PHACTR1: variants seen among roughly 807,000 people sequenced by gnomAD.
PHACTR1 encodes RPEL repeat containing 1.
In PHACTR1, 16 loss-of-function variants were observed where a neutral mutation model predicts 69.2. The observed-to-expected ratio is 0.23, with a 90% CI of 0.16 to 0.35. PHACTR1 has a LOEUF of 0.35. Ranked by LOEUF, PHACTR1 falls within the 10% of genes least tolerant of loss-of-function variation. The probability of loss-of-function intolerance (pLI) is 1.00; values close to 1 mark genes in which losing one functional copy is unlikely to be tolerated. For synonymous variants in PHACTR1, 312 were observed against 284.5 expected, an observed-to-expected ratio of 1.10 and a Z score of -0.97; for missense variants, 510 against 734.7, an observed-to-expected ratio of 0.69 and a Z score of 3.54.
chr6:12,917,133 A>G (rs980965131), intron 4 of PHACTR1, among the ~76,000 whole-genome samples: 19 of 152,226 alleles, frequency 1.2e-4, no homozygotes, highest in African/African-American at 2.2e-4. Context: ...TCTTCACTTA[A>G]TCTTCATATT....
In PHACTR1 at chr6:13,287,129, A is replaced by T. The variant is rs1781848012; in HGVS notation, c.*51A>T. Reference sequence around the variant, plus strand: ...GCTGTCTTCAAAACATAAATTTATAAGAACCATAAGTGCTGGTATTTATTC... The same window carrying T: ...GCTGTCTTCAAAACATAAATTTATATGAACCATAAGTGCTGGTATTTATTC... On this transcript the variant is annotated 3_prime_UTR_variant, in exon 15 of 15. Transcript: ENST00000332995. 2.0e-6 allele frequency: 3 copies of T among 1,525,338 alleles called. No individual in the cohort carries two copies. Among genetic ancestry groups the T allele is most frequent in the South Asian group, 1.2e-5 (1 of 84,980 alleles). 94.5% of individuals were successfully genotyped at this position (1,525,338 alleles called of 1,614,324 possible).
At chr6:12,737,776 T>C (rs1178678016) in intron 3 of PHACTR1, among the ~76,000 whole-genome samples, 1 of 151,982 alleles carries the variant, frequency 6.6e-6, no homozygotes, top group African/African-American at 2.4e-5. Flanking sequence ...TAAAATTTTT[T>C]ATAGAAACAA....
intron 10 of PHACTR1, among the ~76,000 whole-genome samples, chr6:13,256,009 C>T (rs908758006): frequency 6.6e-6 from 1 of 152,242 alleles, no homozygotes; most frequent in African/African-American, 2.4e-5. Context: ...CAGAGGTTCT[C>T]CATGAGGGCT....
intron 10 of PHACTR1, among the ~76,000 whole-genome samples, chr6:13,240,822 G>A (rs184898069): frequency 5.9e-5 from 9 of 152,244 alleles, no homozygotes; most frequent in African/African-American, 1.9e-4. Flanking sequence ...TCCCTGATAC[G>A]TGCCATTTAT....
chr6:12,972,942 C>T (rs894018843), intron 4 of PHACTR1, among the ~76,000 whole-genome samples: 6 of 152,248 alleles, frequency 3.9e-5, no homozygotes, highest in Non-Finnish European at 5.9e-5. Flanking sequence ...TGAGCCACCG[C>T]GGCTGGCCTA....
chr6:13,283,893 C>T lies in PHACTR1; in HGVS notation c.1650+331C>T, dbSNP rs1176221974. ...AGGCTCCAGGCTCATCACAGCCCTT[C>T]CGTATAGGGGATGGTGCTGCCGGCA... On this transcript the variant is annotated intron_variant, in intron 13 of 14. Coordinates refer to ENST00000332995, the MANE Select transcript of PHACTR1 (RefSeq NM_030948.6). This position sits in a 1 kb window ranked among gnomAD's most constrained non-coding sequence, Gnocchi z 4.7. 2 of 329,924 alleles carry T rather than the reference C, an allele frequency of 6.1e-6. No homozygotes were observed. Among genetic ancestry groups the T allele is most frequent in the African/African-American group, 4.2e-5 (2 of 47,408 alleles). The allele number at this position is 329,924 out of a possible 1,614,324, so 20.4% of individuals were successfully genotyped here.
At chr6:12,804,976 G>A (rs1454019335) in intron 4 of PHACTR1, among the ~76,000 whole-genome samples, 1 of 152,074 alleles carries the variant, frequency 6.6e-6, no homozygotes, top group Non-Finnish European at 1.5e-5. Context: ...ATACAAAACA[G>A]CAATCACTGC....
At chr6:12,963,625 G>A (rs537573145) in intron 4 of PHACTR1, among the ~76,000 whole-genome samples, 6 of 152,238 alleles carry the variant, frequency 3.9e-5, no homozygotes, top group East Asian at 3.9e-4. Flanking sequence ...TGATCCGGGC[G>A]TTTTGATTCC....
chr6:13,006,945 T>C (rs1194186381), intron 4 of PHACTR1, among the ~76,000 whole-genome samples: 1 of 152,252 alleles, frequency 6.6e-6, no homozygotes, highest in African/African-American at 2.4e-5. Context: ...AATCCTACCA[T>C]GTGCCTGAAG....
rs115865107 is a variant in PHACTR1, at chr6:13,171,778, T to G, written c.497-10741T>G. Among the ~76,000 whole-genome samples, 959 of 152,292 alleles carry G rather than the reference T, an allele frequency of 6.3e-3. 14 individuals carry two copies. The highest frequency in any genetic ancestry group is 0.022 in the African/African-American group (916 of 41,554). ...CCCTCCCCCAGCTCTAGCCAATTTT[T>G]TTTTTTAGATGGAGTTTCACTCTTG... On this transcript the variant is annotated intron_variant, in intron 6 of 14. Coordinates refer to ENST00000332995, the MANE Select transcript of PHACTR1 (RefSeq NM_030948.6).
chr6:12,885,225 A>G (rs573280517), intron 4 of PHACTR1, among the ~76,000 whole-genome samples: 22 of 152,288 alleles, frequency 1.4e-4, no homozygotes, highest in Non-Finnish European at 2.6e-4. Flanking sequence ...TGATAAAGAA[A>G]TGCTTTCATC....
In PHACTR1 at chr6:13,196,954, GT is replaced by G. The variant is rs569587558; in HGVS notation, c.665-8854del. On this transcript the variant is annotated intron_variant, in intron 7 of 14. Coordinates refer to ENST00000332995, the MANE Select transcript of PHACTR1 (RefSeq NM_030948.6). ...CACCACATATTAAACACTCTCTGTT[GT>G]TTTTTTGGCTTCTACCTTCCCACCC... Among the ~76,000 whole-genome samples the G allele has an allele frequency of 4.0e-3, 613 of 152,256 alleles. 4 individuals carry two copies. Among genetic ancestry groups the G allele is most frequent in the African/African-American group, 0.014 (587 of 41,540 alleles).
chr6:12,833,095 A>C (rs1297697347), intron 4 of PHACTR1, among the ~76,000 whole-genome samples: 2 of 152,080 alleles, frequency 1.3e-5, no homozygotes, highest in Non-Finnish European at 1.5e-5. Context: ...TATGAGGTTC[A>C]CTGTCTTCCC....
Position 13,179,769 on chromosome 6 carries a change from T to TA in PHACTR1, c.497-2748dup, listed in dbSNP as rs56670110. 0.061 allele frequency among the ~76,000 whole-genome samples: 9,232 copies of TA among 152,142 alleles called. 757 individuals carry two copies. The highest frequency in any genetic ancestry group is 0.18 in the African/African-American group (7,580 of 41,454). The stretch of plus-strand genomic sequence containing the variant: ...ATAGACAGAACAAGGTTATCAATAT[T>TA]AATGTTGAAGAAATTGCCAAAAGCT... On this transcript the variant is annotated intron_variant, in intron 6 of 14. Coordinates refer to ENST00000332995, the MANE Select transcript of PHACTR1 (RefSeq NM_030948.6). The surrounding 1 kb of genome is among the most constrained non-coding windows in gnomAD (Gnocchi z 4.2).
intron 4 of PHACTR1, among the ~76,000 whole-genome samples, chr6:13,037,896 G>A (rs1803556426): frequency 6.6e-6 from 1 of 152,196 alleles, no homozygotes; most frequent in African/African-American, 2.4e-5. Flanking sequence ...CAGTTTTGAT[G>A]ATGAGTTAGA....
intron 10 of PHACTR1, among the ~76,000 whole-genome samples, chr6:13,259,461 C>A (rs1057452021): frequency 6.6e-6 from 1 of 152,198 alleles, no homozygotes; most frequent in Non-Finnish European, 1.5e-5. Context: ...GCACTGGGGT[C>A]ATAGCCTCCA....
intron 4 of PHACTR1, among the ~76,000 whole-genome samples, chr6:12,862,511 A>G (rs1003518475): frequency 2.0e-5 from 3 of 152,148 alleles, no homozygotes; most frequent in African/African-American, 7.2e-5. Flanking sequence ...AGAGATACTT[A>G]CTGTTTAGGG....
intron 4 of PHACTR1, among the ~76,000 whole-genome samples, chr6:12,883,807 T>C (rs1418325763): frequency 6.6e-6 from 1 of 152,226 alleles, no homozygotes; most frequent in Non-Finnish European, 1.5e-5. Context: ...CCTTTCCTCC[T>C]GCATACATAT....
At chr6:12,739,489 C>T (rs931232601) in intron 3 of PHACTR1, among the ~76,000 whole-genome samples, 3 of 152,054 alleles carry the variant, frequency 2.0e-5, no homozygotes, top group African/African-American at 7.2e-5. Flanking sequence ...CGGTAATTCT[C>T]AAACTGATTT....
Sources: gnomAD v4.1 joint callset for allele counts (sites outside exome capture counted in the v4.1 genomes callset) on GRCh38, gnomAD v4.1.1 for gene constraint, Gnocchi (gnomAD v3.1) non-coding constraint, MANE v1.5 for transcripts, NCBI Gene and HGNC (gene_info 2026-07-23, HGNC 2026-07-21) for gene names.